ORC5: variants seen among roughly 807,000 people sequenced by gnomAD.
The protein encoded by ORC5 is origin recognition complex subunit 5, also known as protein phosphatase 1, regulatory subunit 117.
ORC5 carries 39 observed loss-of-function variants against 58.8 expected under a neutral mutation model. The observed-to-expected ratio is 0.66, with a 90% CI of 0.51 to 0.87. The LOEUF (loss-of-function observed/expected upper bound fraction) is 0.87. Ranked by LOEUF, ORC5 falls within the 40% of genes least tolerant of loss-of-function variation. ORC5 has a pLI of 0.00. For synonymous variants in ORC5, 218 were observed against 177.6 expected, an observed-to-expected ratio of 1.23 and a Z score of -1.81; for missense variants, 493 against 506.3, an observed-to-expected ratio of 0.97 and a Z score of 0.25.
intron 11 of ORC5, among the ~76,000 whole-genome samples, chr7:104,163,570 T>C (rs1799059082): frequency 6.6e-6 from 1 of 152,222 alleles, no homozygotes; most frequent in Non-Finnish European, 1.5e-5. Flanking sequence ...CACTGCAAGC[T>C]ACGCCTCCCA....
At chr7:104,194,158 T>C (rs537106205) in intron 5 of ORC5, among the ~76,000 whole-genome samples, 1 of 151,794 alleles carries the variant, frequency 6.6e-6, no homozygotes, top group East Asian at 1.9e-4. Context: ...CTTTTTTATT[T>C]TGGGATTTTT....
chr7:104,147,063 T>C (rs1304395222), intron 12 of ORC5, among the ~76,000 whole-genome samples: 1 of 152,174 alleles, frequency 6.6e-6, no homozygotes, highest in African/African-American at 2.4e-5. Flanking sequence ...TTGTAAACTG[T>C]CAGAATAAAT....
At chr7:104,193,297 G>A (rs761125681) in intron 5 of ORC5, among the ~76,000 whole-genome samples, 16 of 152,022 alleles carry the variant, frequency 1.1e-4, no homozygotes, top group Non-Finnish European at 1.8e-4. Flanking sequence ...TAAAATGTAA[G>A]ACAACAGCAG....
At chr7:104,141,540 T>A (rs2115771597) in intron 12 of ORC5, among the ~76,000 whole-genome samples, 1 of 152,282 alleles carries the variant, frequency 6.6e-6, no homozygotes, top group African/African-American at 2.4e-5. Flanking sequence ...CCAAAAATCA[T>A]CATAATAATC....
intron 5 of ORC5, among the ~76,000 whole-genome samples, chr7:104,191,842 C>T (rs1007428100): frequency 1.3e-5 from 2 of 152,086 alleles, no homozygotes; most frequent in African/African-American, 4.8e-5. Context: ...CAAGTATAGG[C>T]TAATGTGCAA....
intron 5 of ORC5, 39 bp downstream of exon 5, chr7:104,195,104 C>G: frequency 9.9e-7 from 1 of 1,011,564 alleles, no homozygotes; most frequent in Non-Finnish European, 1.5e-6. Context: ...AAACTATTCT[C>G]CTGCATATCA....
At chr7:104,145,812 G>C (rs1395857397) in intron 12 of ORC5, among the ~76,000 whole-genome samples, 1 of 152,112 alleles carries the variant, frequency 6.6e-6, no homozygotes, top group African/African-American at 2.4e-5. Flanking sequence ...AGAGCGAAAG[G>C]TGAACCAAGC....
chr7:104,184,661 G>C (rs768146197), intron 6 of ORC5, among the ~76,000 whole-genome samples: 3 of 151,092 alleles, frequency 2.0e-5, no homozygotes, highest in South Asian at 4.1e-4. Context: ...AATCAGAAGG[G>C]CTGCAAGCAC....
intron 12 of ORC5, among the ~76,000 whole-genome samples, chr7:104,159,037 T>C (rs1421317562): frequency 6.8e-6 from 1 of 148,026 alleles, no homozygotes; most frequent in Non-Finnish European, 1.5e-5. Flanking sequence ...AGTACGTTTA[T>C]TACGGCACTA....
intron 8 of ORC5, among the ~76,000 whole-genome samples, chr7:104,173,567 G>C (rs570360173): frequency 6.6e-6 from 1 of 152,184 alleles, no homozygotes; most frequent in Non-Finnish European, 1.5e-5. Context: ...CTGCCCTGGT[G>C]AGCCTCCTGC....
chr7:104,158,444 A>C (rs556863842), intron 12 of ORC5, among the ~76,000 whole-genome samples: 18 of 152,258 alleles, frequency 1.2e-4, no homozygotes, highest in African/African-American at 4.3e-4. Flanking sequence ...AAACACCAAA[A>C]GCAATGGTAA....
intron 8 of ORC5, among the ~76,000 whole-genome samples, chr7:104,177,290 T>C (rs1799341093): frequency 6.6e-6 from 1 of 152,198 alleles, no homozygotes; most frequent in South Asian, 2.1e-4. Flanking sequence ...GAAATATAAA[T>C]TACTAAACAT....
intron 5 of ORC5, among the ~76,000 whole-genome samples, chr7:104,191,507 T>C (rs571130851): frequency 6.6e-6 from 1 of 152,230 alleles, no homozygotes; most frequent in South Asian, 2.1e-4. Context: ...TCCTTACAGG[T>C]AGCCCTCTGT....
Position 104,188,145 on chromosome 7 carries a change from T to G in ORC5, c.684+106A>C, listed in dbSNP as rs887910085. On this transcript the variant is annotated intron_variant, in intron 6 of 13. Coordinates refer to ENST00000297431, the MANE Select transcript of ORC5 (RefSeq NM_002553.4). ...AAATTTCAGTTTCTAACCTATCTCATACCATTTCTACATGGAAAACATTAA... is the reference window on the plus strand; with the variant it reads ...AAATTTCAGTTTCTAACCTATCTCAGACCATTTCTACATGGAAAACATTAA... 5.1e-6 allele frequency: 5 copies of G among 984,342 alleles called. No homozygotes were observed. In the African/African-American group the frequency reaches 8.2e-5, roughly 16 times the overall value. The allele number at this position is 984,342 out of a possible 1,614,324, so 61.0% of individuals were successfully genotyped here. A position where few individuals can be genotyped will look rare whatever the true frequency, so the allele number is the denominator to read the frequency against.
intron 2 of ORC5, among the ~76,000 whole-genome samples, chr7:104,201,697 C>T (rs1044524854): frequency 2.0e-5 from 3 of 150,458 alleles, no homozygotes; most frequent in African/African-American, 7.3e-5. Context: ...GAATTTCACA[C>T]TTATAACTTT....
Position 104,133,542 on chromosome 7 carries a change from G to A in ORC5, c.1262+3239C>T, listed in dbSNP as rs1003167945. Among the ~76,000 whole-genome samples, 4 of 152,100 alleles carry A rather than the reference G, an allele frequency of 2.6e-5. No individual in the cohort carries two copies. The highest frequency in any genetic ancestry group is 2.6e-4 in the Admixed American group (4 of 15,284). The stretch of plus-strand genomic sequence containing the variant: ...GCAGAGGTTAGAATTCCTAAGTTCA[G>A]TTTTGGAAATGTATTAATATAGCTG... On this transcript the variant is annotated intron_variant, in intron 13 of 13. Transcript: ENST00000297431. The surrounding 1 kb of genome is among the most constrained non-coding windows in gnomAD (Gnocchi z 4.7).
chr7:104,160,589 C>T (rs1799005301), intron 12 of ORC5, among the ~76,000 whole-genome samples: 1 of 151,872 alleles, frequency 6.6e-6, no homozygotes, highest in South Asian at 2.1e-4. Context: ...TATTTTTATG[C>T]TTTGCTGCCA....
At chr7:104,145,012 C>T (rs776430297) in intron 12 of ORC5, among the ~76,000 whole-genome samples, 11 of 152,172 alleles carry the variant, frequency 7.2e-5, no homozygotes, top group Non-Finnish European at 1.5e-4. Context: ...TCCCATCTAA[C>T]TGCCTGAGAC....
At chr7:104,190,483 C>G (rs1799650542) in intron 5 of ORC5, among the ~76,000 whole-genome samples, 1 of 152,086 alleles carries the variant, frequency 6.6e-6, no homozygotes, top group South Asian at 2.1e-4. Context: ...TACTCTACTT[C>G]TATTATATCT....
Sources: allele counts gnomAD v4.1 joint callset (sites outside exome capture counted in the v4.1 genomes callset), GRCh38; gene constraint gnomAD v4.1.1; non-coding constraint Gnocchi (gnomAD v3.1); transcripts MANE v1.5; gene names NCBI Gene and HGNC (gene_info 2026-07-23, HGNC 2026-07-21).